PPM1E: variants seen among roughly 807,000 people sequenced by gnomAD.
PPM1E encodes the protein protein phosphatase, Mg2+/Mn2+ dependent 1E.
Under a neutral mutation model 65.9 loss-of-function variants are expected in PPM1E, and 20 were observed. The observed-to-expected ratio is 0.30, with a 90% CI of 0.21 to 0.44. The LOEUF (loss-of-function observed/expected upper bound fraction) is 0.44, where lower values mean the gene tolerates loss of function less well. Ranked by LOEUF, PPM1E falls within the 20% of genes least tolerant of loss-of-function variation. PPM1E has a pLI of 1.00. For synonymous variants in PPM1E, 352 were observed against 374.9 expected (o/e 0.94, Z 0.70); for missense variants, 713 against 953.1 (o/e 0.75, Z 3.32).
intron 1 of PPM1E, among the ~76,000 whole-genome samples, chr17:58,801,923 A>AT (rs1306350486): frequency 6.6e-6 from 1 of 151,894 alleles, no homozygotes; most frequent in Non-Finnish European, 1.5e-5. Context: ...CCTCCAGGTA[A>AT]TTTTTTGTAT....
At chr17:58,889,759 A>G (rs1320304452) in intron 1 of PPM1E, among the ~76,000 whole-genome samples, 2 of 152,246 alleles carry the variant, frequency 1.3e-5, no homozygotes, top group South Asian at 2.1e-4. Context: ...TTGCAAGTAC[A>G]TAGCTATCTT....
intron 4 of PPM1E, 86 bp downstream of exon 4, chr17:58,969,813 T>C: frequency 7.8e-7 from 1 of 1,287,252 alleles, no homozygotes; most frequent in Non-Finnish European, 1.1e-6. Context: ...ATTTAGATTT[T>C]CTCTTTCTGG....
intron 1 of PPM1E, among the ~76,000 whole-genome samples, chr17:58,808,359 A>G (rs1486555698): frequency 3.9e-5 from 6 of 152,096 alleles, no homozygotes; most frequent in Non-Finnish European, 8.8e-5. Context: ...TTGTTATTGA[A>G]ATTATATTGA....
In PPM1E at chr17:58,820,030, C is replaced by T. The variant is rs183587561; in HGVS notation, c.464+63569C>T. Among the ~76,000 whole-genome samples the T allele has an allele frequency of 1.3e-3, 199 of 151,924 alleles. 1 individual carries two copies. The highest frequency in any genetic ancestry group is 9.1e-3 in the Admixed American group (139 of 15,234). On this transcript the variant is annotated intron_variant, in intron 1 of 6. Coordinates refer to ENST00000308249, the MANE Select transcript of PPM1E (RefSeq NM_014906.5). ...CCAGCCTGGGAGACAAAGCCAGACT[C>T]CATTTCAAACAAAAAATAAATAAAT...
Position 58,756,259 on chromosome 17 carries a change from G to A in PPM1E, c.262G>A (p.Glu88Lys), listed in dbSNP as rs1371288296. ...EGDQEQDPEP[E>K]EEAAVEGEEE... ...GGACCAGGAGCAAGACCCGGAGCCC[G>A]AGGAGGAGGCGGCGGTTGAGGGTGA... Residue 88 changes from glutamate (E) to lysine (K), a missense_variant, in exon 1 of 7, where the codon GAG becomes AAG. Around this residue, in one of 6 missense-constraint regions of PPM1E, gnomAD observed 212 missense variants for 204.0 expected, o/e 1.04. Transcript: ENST00000308249. 1 of 1,549,952 alleles carries A rather than the reference G, an allele frequency of 6.5e-7. No individual in the cohort carries two copies. Among genetic ancestry groups the A allele is most frequent in the Non-Finnish European group, 8.7e-7 (1 of 1,146,478 alleles).
At chr17:58,899,473 C>A in intron 1 of PPM1E, 1 of 227,024 alleles carries the variant, frequency 4.4e-6, no homozygotes. Context: ...GTGTGATGAG[C>A]CTGTGTATGT....
intron 1 of PPM1E, among the ~76,000 whole-genome samples, chr17:58,823,708 A>G (rs2050503334): frequency 6.6e-6 from 1 of 152,170 alleles, no homozygotes; most frequent in Non-Finnish European, 1.5e-5. Flanking sequence ...TTAAATATGG[A>G]CGAGGTGCAG....
At chr17:58,965,976 T>C (rs994833954) in intron 3 of PPM1E, 83 bp downstream of exon 3, 76 of 1,371,010 alleles carry the variant, frequency 5.5e-5, no homozygotes, top group Non-Finnish European at 7.3e-5. Flanking sequence ...GGAAAACTTC[T>C]GTTATATTTC....
At chr17:58,821,624 A>G (rs1335901751) in intron 1 of PPM1E, among the ~76,000 whole-genome samples, 1 of 152,192 alleles carries the variant, frequency 6.6e-6, no homozygotes, top group Non-Finnish European at 1.5e-5. Context: ...GCCCGATATA[A>G]TAGAAAGAAT....
intron 1 of PPM1E, among the ~76,000 whole-genome samples, chr17:58,793,417 G>A (rs539700707): frequency 3.3e-4 from 50 of 151,474 alleles, no homozygotes; most frequent in African/African-American, 1.2e-3. Context: ...GTGCAGTGGC[G>A]CGATCTCGGC....
intron 1 of PPM1E, among the ~76,000 whole-genome samples, chr17:58,880,033 G>C (rs1327126731): frequency 6.6e-6 from 1 of 152,166 alleles, no homozygotes; most frequent in Non-Finnish European, 1.5e-5. Flanking sequence ...AAGACCCAAA[G>C]AAGCAGTTAC....
chr17:58,779,802 CTA>C (rs747336219), intron 1 of PPM1E, among the ~76,000 whole-genome samples: 11 of 152,154 alleles, frequency 7.2e-5, no homozygotes, highest in Non-Finnish European at 1.0e-4. Flanking sequence ...CATTCACTCT[CTA>C]TGTCAATATC....
chr17:58,954,126 T>C (rs1222360506), intron 1 of PPM1E, among the ~76,000 whole-genome samples: 1 of 152,246 alleles, frequency 6.6e-6, no homozygotes, highest in Non-Finnish European at 1.5e-5. Flanking sequence ...ATTTTCCTGG[T>C]TTCCCCATCT....
intron 1 of PPM1E, among the ~76,000 whole-genome samples, chr17:58,792,589 G>A (rs1034682055): frequency 1.7e-4 from 25 of 151,496 alleles, no homozygotes; most frequent in African/African-American, 5.8e-4. Context: ...TGATCTGACC[G>A]CCTTGGGCTC....
At chr17:58,875,867 T>C (rs774962351) in intron 1 of PPM1E, among the ~76,000 whole-genome samples, 1 of 152,128 alleles carries the variant, frequency 6.6e-6, no homozygotes, top group African/African-American at 2.4e-5. Context: ...TTAATCATAG[T>C]AAAAAAATCC....
chr17:58,831,832 G>A (rs957105317), intron 1 of PPM1E, among the ~76,000 whole-genome samples: 44 of 152,112 alleles, frequency 2.9e-4, no homozygotes, highest in African/African-American at 1.0e-3. Flanking sequence ...TTTCTTCCAT[G>A]TCTTTCTGTT....
At chr17:58,963,687 C>T (rs563743413) in intron 2 of PPM1E, among the ~76,000 whole-genome samples, 13 of 151,954 alleles carry the variant, frequency 8.6e-5, no homozygotes, top group African/African-American at 2.9e-4. Flanking sequence ...CCAGCCTGGG[C>T]GATGGAGCAA....
At chr17:58,804,174 T>A (rs912916478) in intron 1 of PPM1E, among the ~76,000 whole-genome samples, 3 of 152,176 alleles carry the variant, frequency 2.0e-5, no homozygotes, top group South Asian at 2.1e-4. Flanking sequence ...GCAGTCCTCC[T>A]GCCTGAGCTT....
At chr17:58,815,511 A>T (rs12942969) in intron 1 of PPM1E, among the ~76,000 whole-genome samples, 36,370 of 152,124 alleles carry the variant, frequency 0.24, 5,264 homozygotes, top group Middle Eastern at 0.41. Context: ...TCTTTTAGAG[A>T]TACCTAGAAA....
Sources: gnomAD v4.1 joint callset for allele counts (sites outside exome capture counted in the v4.1 genomes callset) on GRCh38, gnomAD v4.1.1 for gene constraint, gnomAD v4.1.1 regional missense constraint, MANE v1.5 for transcripts, NCBI Gene and HGNC (gene_info 2026-07-23, HGNC 2026-07-21) for gene names.